DPP6: variants seen among roughly 807,000 people sequenced by gnomAD.
The protein encoded by DPP6 is A-type potassium channel modulatory protein DPP6.
In DPP6, 69 loss-of-function variants were observed where a neutral mutation model predicts 122.6. The observed-to-expected ratio is 0.56, with a 90% CI of 0.46 to 0.69. The LOEUF (loss-of-function observed/expected upper bound fraction) is 0.69, where lower values mean the gene tolerates loss of function less well. DPP6 is among the 30% of genes least tolerant of loss of function. DPP6 has a pLI of 0.00. For synonymous variants in DPP6, 418 were observed against 433.1 expected, an observed-to-expected ratio of 0.97 and a Z score of 0.43; for missense variants, 928 against 1,116.9, an observed-to-expected ratio of 0.83 and a Z score of 2.41.
chr7:154,377,627 C>T (rs1451376593), intron 1 of DPP6, among the ~76,000 whole-genome samples: 2 of 152,142 alleles, frequency 1.3e-5, no homozygotes, highest in Non-Finnish European at 2.9e-5. Context: ...CTGTTTCCCC[C>T]TTCGCTCTCT....
chr7:153,858,142 C>T, the DPP6 span, among the ~76,000 whole-genome samples: 1 of 152,148 alleles, frequency 6.6e-6, no homozygotes, highest in East Asian at 1.9e-4. Flanking sequence ...TCTCTTTCCC[C>T]TTCTTTCTTC....
chr7:153,976,104 T>C (rs1796287055), intron 1 of DPP6, among the ~76,000 whole-genome samples: 1 of 152,080 alleles, frequency 6.6e-6, no homozygotes, highest in South Asian at 2.1e-4. Context: ...GGACATGAAC[T>C]GGGAAGGGTG....
chr7:154,204,070 G>A (rs1010450724), intron 1 of DPP6, among the ~76,000 whole-genome samples: 11 of 152,196 alleles, frequency 7.2e-5, no homozygotes, highest in Non-Finnish European at 1.3e-4. Flanking sequence ...CTGCTTTACA[G>A]TTGCTTCCTC....
At chr7:153,904,636 A>C (rs764723) in intron 1 of DPP6, among the ~76,000 whole-genome samples, 7 of 152,096 alleles carry the variant, frequency 4.6e-5, no homozygotes, top group Non-Finnish European at 1.0e-4. Flanking sequence ...TATTGATTGA[A>C]CGTCTCATAC....
chr7:154,559,278 A>G (rs546055642), intron 4 of DPP6, among the ~76,000 whole-genome samples: 3,553 of 151,040 alleles, frequency 0.024, 75 homozygotes, highest in African/African-American at 0.037. Flanking sequence ...CAGAAGAAAA[A>G]AAAAAAACCC....
At chr7:153,901,319 A>G (rs898490013) in intron 1 of DPP6, among the ~76,000 whole-genome samples, 2 of 152,242 alleles carry the variant, frequency 1.3e-5, no homozygotes, top group Non-Finnish European at 2.9e-5. Flanking sequence ...GTTCATGGAA[A>G]TTAGTTCCTT....
intron 1 of DPP6, among the ~76,000 whole-genome samples, chr7:154,225,057 G>C (rs1241758633): frequency 2.0e-5 from 3 of 152,076 alleles, no homozygotes; most frequent in Admixed American, 1.3e-4. Context: ...CAGGAGAATT[G>C]CTTGAACCTG....
At chr7:154,185,138 G>GA (rs1798291191) in intron 1 of DPP6, among the ~76,000 whole-genome samples, 1 of 152,180 alleles carries the variant, frequency 6.6e-6, no homozygotes, top group Non-Finnish European at 1.5e-5. Flanking sequence ...TAAAGCATTA[G>GA]AATGTACTAA....
chr7:153,951,371 G>A (rs746625917), intron 1 of DPP6, among the ~76,000 whole-genome samples: 3 of 152,156 alleles, frequency 2.0e-5, no homozygotes, highest in Non-Finnish European at 2.9e-5. Flanking sequence ...AGATTCCAGC[G>A]GGTTAGAAGC....
chr7:153,968,653 T>G (rs1173316141), intron 1 of DPP6: 1 of 151,744 alleles, frequency 6.6e-6, no homozygotes, highest in Non-Finnish European at 1.5e-5. Context: ...TTAGTTTCTA[T>G]GAATTTCCTA....
chr7:153,955,410 T>C (rs1295787521), intron 1 of DPP6, among the ~76,000 whole-genome samples: 1 of 152,194 alleles, frequency 6.6e-6, no homozygotes, highest in East Asian at 1.9e-4. Flanking sequence ...ATAATAATAC[T>C]TGTTAGAATA....
At chr7:154,505,429 A>C (rs542803294) in intron 3 of DPP6, among the ~76,000 whole-genome samples, 1 of 152,206 alleles carries the variant, frequency 6.6e-6, no homozygotes, top group African/African-American at 2.4e-5. Context: ...CTTAATTCAG[A>C]TTTTCTTAGC....
chr7:154,066,155 G>A (rs1277327426), intron 1 of DPP6, among the ~76,000 whole-genome samples: 1 of 151,458 alleles, frequency 6.6e-6, no homozygotes, highest in Non-Finnish European at 1.5e-5. Context: ...TGCCTCTCAG[G>A]TTCAAGTGAT....
the DPP6 span, among the ~76,000 whole-genome samples, chr7:153,876,002 A>G: frequency 2.0e-5 from 3 of 151,832 alleles, no homozygotes; most frequent in Non-Finnish European, 2.9e-5. Context: ...ATTGGCATAT[A>G]TAATTTTGCA....
At position 154,690,493 on chromosome 7, in the gene DPP6, T is replaced by C. The variant is rs112485408; in HGVS notation, c.762+21052T>C. Among the ~76,000 whole-genome samples the C allele has an allele frequency of 9.7e-4, 148 of 152,208 alleles. No homozygotes were observed. In the Middle Eastern group the frequency reaches 0.01, roughly 10 times the overall value. On this transcript the variant is annotated intron_variant, in intron 7 of 25. Coordinates refer to ENST00000377770, the MANE Select transcript of DPP6 (RefSeq NM_130797.4). The stretch of plus-strand genomic sequence containing the variant: ...CTTCCATGATGAGCTGGGGAGAGAA[T>C]GGAACGGTGCCCATGAGACTGTAGG...
intron 5 of DPP6, among the ~76,000 whole-genome samples, chr7:154,583,091 C>G (rs1446055527): frequency 6.6e-6 from 1 of 152,232 alleles, no homozygotes; most frequent in Non-Finnish European, 1.5e-5. Flanking sequence ...CCCCACCACA[C>G]AGCAAAACTC....
chr7:153,797,758 T>A, the DPP6 span, among the ~76,000 whole-genome samples: 1 of 152,164 alleles, frequency 6.6e-6, no homozygotes, highest in Non-Finnish European at 1.5e-5. Flanking sequence ...GTGAATTCTT[T>A]CTTCCTGGCT....
At chr7:154,673,856 A>G (rs1453257429) in intron 7 of DPP6, among the ~76,000 whole-genome samples, 1 of 151,124 alleles carries the variant, frequency 6.6e-6, no homozygotes, top group African/African-American at 2.4e-5. Context: ...ATCTGCCTGA[A>G]CTGAGATTTC....
chr7:154,759,603 G>A (rs1283826446), intron 8 of DPP6, among the ~76,000 whole-genome samples: 4 of 152,184 alleles, frequency 2.6e-5, no homozygotes, highest in African/African-American at 9.6e-5. Flanking sequence ...TTCCAGGGGA[G>A]GCCCAAGATG....
Sources: gnomAD v4.1 joint callset for allele counts (sites outside exome capture counted in the v4.1 genomes callset) on GRCh38, gnomAD v4.1.1 for gene constraint, MANE v1.5 for transcripts, NCBI Gene and HGNC (gene_info 2026-07-23, HGNC 2026-07-21) for gene names.